Variants in ANXA2 observed in about 807,000 individuals in gnomAD.
ANXA2 encodes the protein annexin II.
Under a neutral mutation model 47.3 loss-of-function variants are expected in ANXA2, and 28 were observed. That is an observed-to-expected ratio of 0.59 (90% CI 0.44 to 0.81). The LOEUF (loss-of-function observed/expected upper bound fraction) is 0.81, where lower values mean the gene tolerates loss of function less well. Ranked by LOEUF, ANXA2 falls within the 40% of genes least tolerant of loss-of-function variation. The pLI, the probability that ANXA2 is intolerant of heterozygous loss-of-function variation, is 0.00. For missense variants in ANXA2, 384 were observed against 414.3 expected, an observed-to-expected ratio of 0.93 and a Z score of 0.64; for synonymous variants, 172 against 155.5, an observed-to-expected ratio of 1.11 and a Z score of -0.79.
At chr15:60,381,408 G>A (rs1045901342) in intron 3 of ANXA2, among the ~76,000 whole-genome samples, 2 of 152,174 alleles carry the variant, frequency 1.3e-5, no homozygotes, top group Admixed American at 6.5e-5. Context: ...GTCACCACGA[G>A]AGCTGCAATA....
chr15:60,351,449 C>G (rs1324587242), intron 10 of ANXA2, 198 bp from the exon 11 acceptor site: 1 of 638,264 alleles, frequency 1.6e-6, no homozygotes, highest in Non-Finnish European at 2.7e-6. Context: ...AACCAGGGGT[C>G]TCTGAGGCCT....
Position 60,352,552 on chromosome 15 carries a change from C to A in ANXA2, c.589-76G>T, listed in dbSNP as rs2062366264. On this transcript the variant is annotated intron_variant, in intron 8 of 12. Coordinates refer to ENST00000451270, the MANE Select transcript of ANXA2 (RefSeq NM_004039.3). The surrounding 1 kb of genome is among the most constrained non-coding windows in gnomAD (Gnocchi z 4.2). ...CAAAAAAAATGTCATGCAAAAAAAA[C>A]AAAAAAAGCTACACATTCAAAATGC... is the stretch of plus-strand genomic sequence containing the variant. 11 of 1,042,784 alleles carry A rather than the reference C, an allele frequency of 1.1e-5. No homozygotes were observed. In the Admixed American group the frequency reaches 1.3e-4, roughly 12 times the overall value. The allele number at this position is 1,042,784 out of a possible 1,614,324, so 64.6% of individuals were successfully genotyped here.
chr15:60,366,097 A>G (rs113082825), intron 3 of ANXA2, among the ~76,000 whole-genome samples: 1 of 125,908 alleles, frequency 7.9e-6, no homozygotes, highest in African/African-American at 3.2e-5. Context: ...GTGATCCGCC[A>G]GCCTCGGCCT....
intron 3 of ANXA2, among the ~76,000 whole-genome samples, chr15:60,378,795 G>A (rs1349015049): frequency 6.6e-6 from 1 of 151,826 alleles, no homozygotes; most frequent in South Asian, 2.1e-4. Context: ...GCAAAACCCC[G>A]TCTCTACTAA....
chr15:60,349,261 A>G (rs1895879828), intron 11 of ANXA2, 64 bp from the exon 12 acceptor site: 1 of 1,577,346 alleles, frequency 6.3e-7, no homozygotes, highest in Non-Finnish European at 8.7e-7. Flanking sequence ...AAGCGTCTAC[A>G]GGTTGAGCAT....
chr15:60,364,394 C>G, intron 4 of ANXA2, 35 bp downstream of exon 4: 3 of 1,561,096 alleles, frequency 1.9e-6, no homozygotes, highest in Non-Finnish European at 2.6e-6. Flanking sequence ...AAAAATTCAA[C>G]AAGAAATGCC....
At chr15:60,358,636 T>C (rs950788645) in intron 5 of ANXA2, among the ~76,000 whole-genome samples, 1 of 152,180 alleles carries the variant, frequency 6.6e-6, no homozygotes, top group Non-Finnish European at 1.5e-5. Flanking sequence ...TCTTTCTGAG[T>C]TTTTAATCAT....
At chr15:60,358,326 T>A (rs890762648) in intron 5 of ANXA2, among the ~76,000 whole-genome samples, 1 of 152,214 alleles carries the variant, frequency 6.6e-6, no homozygotes, top group Non-Finnish European at 1.5e-5. Flanking sequence ...AACATGTATT[T>A]CAAAGCTGGC....
At chr15:60,379,233 A>G (rs1458299293) in intron 3 of ANXA2, among the ~76,000 whole-genome samples, 1 of 151,078 alleles carries the variant, frequency 6.6e-6, no homozygotes, top group East Asian at 1.9e-4. Flanking sequence ...AGCCAAGATC[A>G]CACCACTGCA....
At chr15:60,348,272 C>G (rs1304444839) in intron 12 of ANXA2, among the ~76,000 whole-genome samples, 1 of 151,228 alleles carries the variant, frequency 6.6e-6, no homozygotes, top group Non-Finnish European at 1.5e-5. Context: ...AGGGGAATTG[C>G]AAGGGCTGTC....
chr15:60,385,336 G>A (rs1182255946), intron 2 of ANXA2, among the ~76,000 whole-genome samples: 1 of 152,210 alleles, frequency 6.6e-6, no homozygotes, highest in Non-Finnish European at 1.5e-5. Context: ...GGGAGGCCAA[G>A]GCAGGCAGAT....
intron 3 of ANXA2, among the ~76,000 whole-genome samples, chr15:60,371,773 G>A (rs912414235): frequency 2.0e-5 from 3 of 152,212 alleles, no homozygotes; most frequent in Admixed American, 1.3e-4. Flanking sequence ...TTTACTAAAA[G>A]AAGGTCAGAG....
intron 11 of ANXA2, 107 bp downstream of exon 11, chr15:60,351,086 C>G (rs1027804039): frequency 1.3e-5 from 15 of 1,134,138 alleles, no homozygotes; most frequent in Non-Finnish European, 2.0e-5. Context: ...TGCATCCACA[C>G]AGTGGGGTCC....
intron 8 of ANXA2, among the ~76,000 whole-genome samples, 179 bp downstream of exon 8, chr15:60,353,975 A>T (rs1022906231): frequency 2.0e-5 from 3 of 152,206 alleles, no homozygotes; most frequent in Non-Finnish European, 4.4e-5. Flanking sequence ...CCTGAGCCAG[A>T]ACAATTGGGC....
chr15:60,392,992 T>C, intron 1 of ANXA2: 2 of 1,264,026 alleles, frequency 1.6e-6, no homozygotes, highest in East Asian at 5.7e-5. Flanking sequence ...GGGTTCCCAC[T>C]GTACTCCATC....
intron 11 of ANXA2, 44 bp from the exon 12 acceptor site, chr15:60,349,241 T>C: frequency 6.2e-7 from 1 of 1,607,056 alleles, no homozygotes; most frequent in East Asian, 2.2e-5. Flanking sequence ...GAGAATGTTA[T>C]CGTTAAAGAA....
intron 5 of ANXA2, among the ~76,000 whole-genome samples, chr15:60,358,378 T>C (rs1241890460): frequency 6.6e-6 from 1 of 152,230 alleles, no homozygotes; most frequent in Admixed American, 6.5e-5. Flanking sequence ...GATTCTTTAA[T>C]ACTTGTCTTT....
Position 60,394,080 on chromosome 15 carries a change from T to C in ANXA2, c.-12+3863A>G, listed in dbSNP as rs78977752. On this transcript the variant is annotated intron_variant, in intron 1 of 12. Coordinates refer to ENST00000451270, the MANE Select transcript of ANXA2 (RefSeq NM_004039.3). The stretch of plus-strand genomic sequence containing the variant: ...AGCAGGTCGCTTCAGGGCAGCCTCT[T>C]ATCAACATATAGCCATGCCCCCCAC... 4.5e-3 allele frequency among the ~76,000 whole-genome samples: 692 copies of C among 152,268 alleles called. 7 individuals carry two copies. Among genetic ancestry groups the C allele is most frequent in the African/African-American group, 0.016 (672 of 41,554 alleles).
At chr15:60,388,780 T>C (rs2062968124) in intron 1 of ANXA2, among the ~76,000 whole-genome samples, 1 of 150,178 alleles carries the variant, frequency 6.7e-6, no homozygotes, top group Non-Finnish European at 1.5e-5. Context: ...CTCTCTCTGT[T>C]ACCCAGGCTG....
Sources: allele counts gnomAD v4.1 joint callset (sites outside exome capture counted in the v4.1 genomes callset), GRCh38; gene constraint gnomAD v4.1.1; non-coding constraint Gnocchi (gnomAD v3.1); transcripts MANE v1.5; gene names NCBI Gene and HGNC (gene_info 2026-07-23, HGNC 2026-07-21).